The following SCHIP1 variants were observed in gnomAD, a reference collection of about 807,000 sequenced individuals.
SCHIP1 encodes schwannomin-interacting protein 1.
Under a neutral mutation model 29.7 loss-of-function variants are expected in SCHIP1, and 8 were observed. The observed-to-expected ratio is 0.27, with a 90% confidence interval of 0.16 to 0.49. The LOEUF (loss-of-function observed/expected upper bound fraction) is 0.49. Ranked by LOEUF, SCHIP1 falls within the 20% of genes least tolerant of loss-of-function variation. The pLI is 0.99. For synonymous variants in SCHIP1, 76 were observed against 94.9 expected (o/e 0.80, Z 1.16); for missense variants, 193 against 294.6 (o/e 0.66, Z 2.52).
the SCHIP1 span, among the ~76,000 whole-genome samples, chr3:159,752,947 C>A: frequency 6.6e-6 from 1 of 152,174 alleles, no homozygotes; most frequent in Admixed American, 6.5e-5. Flanking sequence ...GAGGTTGAAG[C>A]TAATTTTTCA....
the SCHIP1 span, among the ~76,000 whole-genome samples, chr3:159,482,267 A>G: frequency 1.3e-5 from 2 of 152,182 alleles, no homozygotes. Flanking sequence ...CTTTGCCTGC[A>G]TAGGTAAAAG....
At chr3:159,826,269 CCG>C in the SCHIP1 span, among the ~76,000 whole-genome samples, 1 of 152,074 alleles carries the variant, frequency 6.6e-6, no homozygotes, top group Non-Finnish European at 1.5e-5. Flanking sequence ...TCAGGGGCAG[CCG>C]GGTGAGTGAG....
At chr3:159,351,660 G>T in the SCHIP1 span, among the ~76,000 whole-genome samples, 1 of 152,046 alleles carries the variant, frequency 6.6e-6, no homozygotes, top group African/African-American at 2.4e-5. Flanking sequence ...AGATCAAATT[G>T]CAAGATAAGT....
chr3:159,532,288 A>G, the SCHIP1 span, among the ~76,000 whole-genome samples: 3 of 152,212 alleles, frequency 2.0e-5, no homozygotes, highest in African/African-American at 7.2e-5. Context: ...TTGTTTGCAT[A>G]CAAGTGAGTC....
chr3:159,319,026 G>T, the SCHIP1 span, among the ~76,000 whole-genome samples: 1 of 152,206 alleles, frequency 6.6e-6, no homozygotes, highest in South Asian at 2.1e-4. Context: ...CCTGCCAAAG[G>T]TTCAAACAGC....
At chr3:159,540,586 AC>A in the SCHIP1 span, among the ~76,000 whole-genome samples, 1 of 152,096 alleles carries the variant, frequency 6.6e-6, no homozygotes, top group African/African-American at 2.4e-5. Context: ...CCACCACGGC[AC>A]CTTTTGGCCT....
the SCHIP1 span, among the ~76,000 whole-genome samples, chr3:159,376,354 G>A: frequency 1.3e-5 from 2 of 152,128 alleles, no homozygotes; most frequent in African/African-American, 4.8e-5. Context: ...GTTCTGCACT[G>A]GAAGTTGGTC....
the SCHIP1 span, among the ~76,000 whole-genome samples, chr3:159,766,206 C>T: frequency 5.3e-4 from 80 of 152,164 alleles, no homozygotes; most frequent in African/African-American, 1.9e-3. Flanking sequence ...GCTTGCCTTG[C>T]GGGTGTAATT....
At chr3:159,549,637 G>A in the SCHIP1 span, among the ~76,000 whole-genome samples, 1 of 152,120 alleles carries the variant, frequency 6.6e-6, no homozygotes, top group Non-Finnish European at 1.5e-5. Flanking sequence ...CTTTGACACT[G>A]GACTTCCAGT....
the SCHIP1 span, among the ~76,000 whole-genome samples, chr3:159,499,557 C>G: frequency 6.6e-6 from 1 of 152,188 alleles, no homozygotes; most frequent in Non-Finnish European, 1.5e-5. Context: ...CTCTTAGGAT[C>G]ACACAGTCTC....
the SCHIP1 span, among the ~76,000 whole-genome samples, chr3:159,625,153 A>G: frequency 3.2e-4 from 48 of 152,006 alleles, no homozygotes; most frequent in Admixed American, 1.3e-4. Context: ...TGCTGATAAA[A>G]CCTTGGCCCT....
the SCHIP1 span, among the ~76,000 whole-genome samples, chr3:159,380,928 A>ACAGT: frequency 2.2e-4 from 34 of 152,238 alleles, no homozygotes; most frequent in African/African-American, 7.0e-4. Context: ...ATGGAAAAAC[A>ACAGT]CAGTCTGCAG....
At chr3:159,584,485 T>C in the SCHIP1 span, among the ~76,000 whole-genome samples, 31,136 of 152,160 alleles carry the variant, frequency 0.2, 8,671 homozygotes, top group African/African-American at 0.63. Context: ...TAAACAGCCA[T>C]CATTGTGGTT....
chr3:159,455,049 G>A, the SCHIP1 span, among the ~76,000 whole-genome samples: 1 of 152,088 alleles, frequency 6.6e-6, no homozygotes, highest in African/African-American at 2.4e-5. Flanking sequence ...TGAGACCCAG[G>A]TATTTGCCAC....
chr3:159,601,267 G>A, the SCHIP1 span, among the ~76,000 whole-genome samples: 1 of 152,128 alleles, frequency 6.6e-6, no homozygotes, highest in Admixed American at 6.5e-5. Context: ...GTCTTGAGTG[G>A]TATGGGCTGG....
chr3:159,590,581 A>G, the SCHIP1 span, among the ~76,000 whole-genome samples: 1 of 149,752 alleles, frequency 6.7e-6, no homozygotes. Context: ...ATCTTGAAAA[A>G]AATAAATAAA....
At chr3:159,762,730 C>G in the SCHIP1 span, among the ~76,000 whole-genome samples, 1 of 152,112 alleles carries the variant, frequency 6.6e-6, no homozygotes, top group Non-Finnish European at 1.5e-5. Flanking sequence ...TATGTTTTTC[C>G]AAGTGTTGGT....
At chr3:159,889,537 G>A (rs1224696504) in intron 5 of SCHIP1, among the ~76,000 whole-genome samples, 1 of 152,188 alleles carries the variant, frequency 6.6e-6, no homozygotes, top group African/African-American at 2.4e-5. Flanking sequence ...CCTGATGAAA[G>A]AGAGAACATT....
At chr3:159,834,824 C>T in the SCHIP1 span, among the ~76,000 whole-genome samples, 1 of 152,142 alleles carries the variant, frequency 6.6e-6, no homozygotes, top group Non-Finnish European at 1.5e-5. Flanking sequence ...GTATAAAGTG[C>T]ATATGAAACA....
Sources: allele counts gnomAD v4.1 joint callset (sites outside exome capture counted in the v4.1 genomes callset), GRCh38; gene constraint gnomAD v4.1.1; transcripts MANE v1.5; gene names NCBI Gene and HGNC (gene_info 2026-07-23, HGNC 2026-07-21).